The following KIRREL1 variants were observed in gnomAD, a reference collection of about 807,000 sequenced individuals.
KIRREL1 encodes the protein kin of IRRE-like protein 1.
A neutral mutation model predicts 83.3 loss-of-function variants in KIRREL1; 25 were observed. The observed-to-expected ratio is 0.30, with a 90% CI of 0.22 to 0.42. KIRREL1 has a LOEUF of 0.42. Ranked by LOEUF, KIRREL1 falls within the 10% of genes least tolerant of loss-of-function variation. The probability of loss-of-function intolerance (pLI) is 1.00; values close to 1 mark genes in which losing one functional copy is unlikely to be tolerated. For missense variants in KIRREL1, 812 were observed against 1,032.3 expected (o/e 0.79, Z 2.92); for synonymous variants, 388 against 410.4 (o/e 0.95, Z 0.66).
chr1:158,042,909 T>TAAAA (rs34934306), intron 1 of KIRREL1, among the ~76,000 whole-genome samples: 9 of 121,932 alleles, frequency 7.4e-5, no homozygotes, highest in African/African-American at 2.5e-4. Context: ...CCGTCTCTAC[T>TAAAA]AAAAAAAAAA....
At chr1:158,045,657 C>T (rs566677993) in intron 1 of KIRREL1, among the ~76,000 whole-genome samples, 2 of 152,294 alleles carry the variant, frequency 1.3e-5, no homozygotes, top group Admixed American at 6.5e-5. Flanking sequence ...TTCCATGACT[C>T]TAGGAGTCCA....
chr1:157,997,197 A>C (rs573338454), intron 1 of KIRREL1, among the ~76,000 whole-genome samples: 1 of 152,114 alleles, frequency 6.6e-6, no homozygotes, highest in African/African-American at 2.4e-5. Context: ...TCCAGCTCCC[A>C]CCTCCACCAT....
intron 2 of KIRREL1, among the ~76,000 whole-genome samples, chr1:158,077,298 G>GGA (rs1328613098): frequency 6.6e-6 from 1 of 152,134 alleles, no homozygotes; most frequent in South Asian, 2.1e-4. Context: ...AAAGAAACTG[G>GGA]GAGAGAGAGT....
intron 1 of KIRREL1, among the ~76,000 whole-genome samples, chr1:158,002,742 G>A (rs999767413): frequency 3.9e-5 from 6 of 152,090 alleles, no homozygotes; most frequent in African/African-American, 1.4e-4. Context: ...GGGGAGTGGA[G>A]CAGGGAGCAG....
intron 1 of KIRREL1, among the ~76,000 whole-genome samples, chr1:158,033,977 G>GAA (rs543534535): frequency 6.9e-6 from 1 of 144,210 alleles, no homozygotes; most frequent in African/African-American, 2.5e-5. Flanking sequence ...AACTCCATCG[G>GAA]AAAAAAAAAA....
At chr1:158,057,266 G>C (rs1047987993) in intron 1 of KIRREL1, among the ~76,000 whole-genome samples, 3 of 152,126 alleles carry the variant, frequency 2.0e-5, no homozygotes, top group Admixed American at 2.0e-4. Context: ...GGATGCCAGA[G>C]CTTCCAGGAA....
chr1:158,034,923 G>A (rs1660433984), intron 1 of KIRREL1, among the ~76,000 whole-genome samples: 1 of 152,100 alleles, frequency 6.6e-6, no homozygotes, highest in Admixed American at 6.5e-5. Context: ...ATTGAGGCAA[G>A]CTAGAAAAAA....
chr1:158,002,852 C>A (rs776466451), intron 1 of KIRREL1, among the ~76,000 whole-genome samples: 1 of 152,006 alleles, frequency 6.6e-6, no homozygotes, highest in African/African-American at 2.4e-5. Flanking sequence ...CCGATTGTAC[C>A]CCCTGCTCCG....
intron 3 of KIRREL1, among the ~76,000 whole-genome samples, chr1:158,084,131 A>AAAACAAAC: frequency 6.6e-6 from 1 of 152,250 alleles, no homozygotes; most frequent in East Asian, 1.9e-4. Flanking sequence ...CTCCATCTCA[A>AAAACAAAC]AAACAAACAA....
At chr1:158,048,649 G>A (rs1330502063) in intron 1 of KIRREL1, among the ~76,000 whole-genome samples, 3 of 152,160 alleles carry the variant, frequency 2.0e-5, no homozygotes, top group Non-Finnish European at 2.9e-5. Context: ...AAAAGGGAAC[G>A]CATACTTTTG....
intron 1 of KIRREL1, among the ~76,000 whole-genome samples, chr1:158,074,905 C>G (rs1246938493): frequency 6.6e-6 from 1 of 152,190 alleles, no homozygotes; most frequent in Non-Finnish European, 1.5e-5. Context: ...ATTGTGGCCT[C>G]TGCAGATTCA....
At chr1:158,007,557 G>GC (rs754990927) in intron 1 of KIRREL1, among the ~76,000 whole-genome samples, 5 of 152,086 alleles carry the variant, frequency 3.3e-5, no homozygotes, top group African/African-American at 7.2e-5. Context: ...CACAGGCAGA[G>GC]CCCCCCGACA....
chr1:158,088,343 A>T lies in KIRREL1; in HGVS notation c.933A>T (p.Val311=), dbSNP rs763021707. 16 of 1,613,306 alleles carry T rather than the reference A, an allele frequency of 9.9e-6. No homozygotes were observed. Among genetic ancestry groups the T allele is most frequent in the Admixed American group, 1.7e-5 (1 of 59,882 alleles). The part of the protein sequence containing the change: ...LVNVHFAPRI[V]VDPKPTTTDI... ...CCCTCACAGTTGCTCCCCGGATTGTAGTTGACCCCAAACCCACAACCACAG... is the reference window on the plus strand; with the variant it reads ...CCCTCACAGTTGCTCCCCGGATTGTTGTTGACCCCAAACCCACAACCACAG... The change falls in exon 8 of 15, where the codon GTA becomes GTT. Residue 311 remains valine, a synonymous_variant. Transcript: ENST00000359209.
chr1:158,045,834 C>T (rs1660766140), intron 1 of KIRREL1, among the ~76,000 whole-genome samples: 1 of 152,196 alleles, frequency 6.6e-6, no homozygotes, highest in South Asian at 2.1e-4. Context: ...AGAGTCACCT[C>T]ATTAGCATAA....
chr1:158,004,940 T>C (rs1333135418), intron 1 of KIRREL1, among the ~76,000 whole-genome samples: 1 of 152,184 alleles, frequency 6.6e-6, no homozygotes, highest in Non-Finnish European at 1.5e-5. Context: ...CAAGACTCTG[T>C]CTCAAAAATA....
At chr1:158,085,975 C>G (rs919087221) in intron 4 of KIRREL1, among the ~76,000 whole-genome samples, 9 of 152,158 alleles carry the variant, frequency 5.9e-5, no homozygotes, top group African/African-American at 1.7e-4. Flanking sequence ...GGCATAAATT[C>G]AGTCTGGGAG....
intron 1 of KIRREL1, among the ~76,000 whole-genome samples, chr1:158,014,679 A>C (rs1338792023): frequency 4.8e-4 from 2 of 4,190 alleles, no homozygotes; most frequent in Non-Finnish European, 8.5e-4. Context: ...TATAGTCTTT[A>C]TGGGGGGGGG....
chr1:158,024,356 G>T lies in KIRREL1; in HGVS notation c.52+30628G>T, dbSNP rs1660104051. ...TGGAGTGGTGCGATCTCTGCTCACT[G>T]CAACCTCCACCTCCTGGGTTCCAGC... On this transcript the variant is annotated intron_variant, in intron 1 of 14. Coordinates refer to ENST00000359209, the MANE Select transcript of KIRREL1 (RefSeq NM_018240.7). Among the ~76,000 whole-genome samples, 2 of 136,742 alleles carry T rather than the reference G, an allele frequency of 1.5e-5. 1 individual carries two copies. Among genetic ancestry groups the T allele is most frequent in the African/African-American group, 5.6e-5 (2 of 35,648 alleles). The allele number at this position is 136,742 out of a possible 152,430, so 89.7% of individuals were successfully genotyped here.
chr1:158,057,654 C>T (rs891118927), intron 1 of KIRREL1, among the ~76,000 whole-genome samples: 2 of 152,186 alleles, frequency 1.3e-5, no homozygotes, highest in African/African-American at 2.4e-5. Context: ...CCAGGTTTCC[C>T]GATTGCTCCC....
Sources: allele counts gnomAD v4.1 joint callset (sites outside exome capture counted in the v4.1 genomes callset), GRCh38; gene constraint gnomAD v4.1.1; transcripts MANE v1.5; gene names NCBI Gene and HGNC (gene_info 2026-07-23, HGNC 2026-07-21).